Variants in TAF4B observed in about 807,000 individuals in gnomAD.
TAF4B encodes the protein TATA-box binding protein associated factor 4b, also known as transcription initiation factor TFIID subunit 4B.
Under a neutral mutation model 86.4 loss-of-function variants are expected in TAF4B, and 38 were observed. The ratio of observed to expected loss-of-function variants is 0.44; its 90% confidence interval spans 0.34 to 0.58. The LOEUF (loss-of-function observed/expected upper bound fraction) is 0.58, where lower values mean the gene tolerates loss of function less well. TAF4B is among the 20% of genes least tolerant of loss of function. TAF4B has a pLI of 0.02. For missense variants in TAF4B, 988 were observed against 1,027.6 expected (o/e 0.96, Z 0.53); for synonymous variants, 388 against 391.2 (o/e 0.99, Z 0.10).
intron 3 of TAF4B, among the ~76,000 whole-genome samples, chr18:26,272,425 TG>T (rs2056332166): frequency 6.6e-6 from 1 of 152,044 alleles, no homozygotes; most frequent in East Asian, 1.9e-4. Context: ...GGGACCCCTG[TG>T]GTAAGATACA....
chr18:26,256,683 C>T (rs2056089125), intron 1 of TAF4B, among the ~76,000 whole-genome samples: 2 of 152,016 alleles, frequency 1.3e-5, no homozygotes, highest in Non-Finnish European at 2.9e-5. Flanking sequence ...TTAGTTGCAT[C>T]ACATAGATTT....
chr18:26,370,679 T>C (rs2057400464), intron 14 of TAF4B, among the ~76,000 whole-genome samples: 1 of 151,980 alleles, frequency 6.6e-6, no homozygotes, highest in Non-Finnish European at 1.5e-5. Flanking sequence ...CCTGAGGGGA[T>C]GGTGTGGGAA....
At position 26,391,063 on chromosome 18, in the gene TAF4B, G is replaced by T; in HGVS notation, c.*1051G>T. On this transcript the variant is annotated 3_prime_UTR_variant, in exon 15 of 15. Transcript: ENST00000269142. ...TTTAAAAAATCCTAATTGATGATGA[G>T]AAATTTTTAACAATAGGACTTTATG... is the stretch of plus-strand genomic sequence containing the variant. The T allele has an allele frequency of 6.6e-6, 1 of 152,078 alleles. No homozygotes were observed. The highest frequency in any genetic ancestry group is 1.5e-5 in the Non-Finnish European group (1 of 68,004). The allele number at this position is 152,078 out of a possible 1,614,324, so 9.4% of individuals were successfully genotyped here. A position where few individuals can be genotyped will look rare whatever the true frequency, so the allele number is the denominator to read the frequency against.
chr18:26,390,855 A>G lies in TAF4B; in HGVS notation c.*843A>G, dbSNP rs753070756. On this transcript the variant is annotated 3_prime_UTR_variant, in exon 15 of 15. Coordinates refer to ENST00000269142, the MANE Select transcript of TAF4B (RefSeq NM_005640.3). ...AAAACAACTGGTACATGTTTTGTTG[A>G]TGGGCAAAAAAAATCACAGCACAAC... The G allele has an allele frequency of 2.6e-5, 4 of 152,196 alleles. No homozygotes were observed. The highest frequency in any genetic ancestry group is 4.4e-5 in the Non-Finnish European group (3 of 68,030). The allele number at this position is 152,196 out of a possible 1,614,324, so 9.4% of individuals were successfully genotyped here.
At chr18:26,345,345 T>C (rs1055828696) in intron 13 of TAF4B, among the ~76,000 whole-genome samples, 1 of 152,204 alleles carries the variant, frequency 6.6e-6, no homozygotes, top group East Asian at 1.9e-4. Flanking sequence ...TTCGCAAAAG[T>C]AACAGCCCTG....
At chr18:26,379,775 C>T (rs1354230654) in intron 14 of TAF4B, among the ~76,000 whole-genome samples, 1 of 152,060 alleles carries the variant, frequency 6.6e-6, no homozygotes, top group Admixed American at 6.5e-5. Flanking sequence ...GATCAATTTG[C>T]AGAGAATTTA....
chr18:26,304,170 T>TG (rs1275217618), intron 9 of TAF4B, among the ~76,000 whole-genome samples: 1 of 91,350 alleles, frequency 1.1e-5, no homozygotes, highest in Non-Finnish European at 3.0e-5. Context: ...GGTCGACTGT[T>TG]TTTTTTTTTT....
At chr18:26,344,388 A>T (rs2057160023) in intron 13 of TAF4B, among the ~76,000 whole-genome samples, 3 of 151,996 alleles carry the variant, frequency 2.0e-5, no homozygotes, top group South Asian at 4.1e-4. Flanking sequence ...AGGGAAAAAA[A>T]CCTGTGGAGA....
chr18:26,302,483 T>C (rs1462481586), intron 9 of TAF4B, among the ~76,000 whole-genome samples: 4 of 138,234 alleles, frequency 2.9e-5, no homozygotes, highest in African/African-American at 1.1e-4. Flanking sequence ...CAAACAAGCC[T>C]CCAGAGTAGC....
chr18:26,253,258 CT>C (rs1239738373), intron 1 of TAF4B, among the ~76,000 whole-genome samples: 1 of 152,028 alleles, frequency 6.6e-6, no homozygotes, highest in East Asian at 1.9e-4. Context: ...TTCTGTTTCT[CT>C]TTTTTTGGGT....
rs967717019 is a variant in TAF4B, at chr18:26,289,368, A to C, written c.1590+2869A>C. 2.3e-4 allele frequency among the ~76,000 whole-genome samples: 35 copies of C among 152,260 alleles called. 1 individual carries two copies. The highest frequency in any genetic ancestry group is 2.9e-5 in the Non-Finnish European group (2 of 68,044). ...CTGCACTGTATCAAATCTGGGGTTC[A>C]TCTAACTCCATATGGTCTGAAGAAT... On this transcript the variant is annotated intron_variant, in intron 7 of 14. Coordinates refer to ENST00000269142, the MANE Select transcript of TAF4B (RefSeq NM_005640.3).
chr18:26,349,313 A>G (rs2057225455), intron 13 of TAF4B, among the ~76,000 whole-genome samples: 1 of 152,064 alleles, frequency 6.6e-6, no homozygotes, highest in Non-Finnish European at 1.5e-5. Context: ...GTCTCAAAGG[A>G]TTCTTATTGA....
At chr18:26,276,034 AAAAG>A (rs2144568996) in intron 5 of TAF4B, among the ~76,000 whole-genome samples, 1 of 146,844 alleles carries the variant, frequency 6.8e-6, no homozygotes, top group Admixed American at 6.8e-5. Context: ...AAAAAAAAAG[AAAAG>A]AAAAGAAAAA....
intron 7 of TAF4B, among the ~76,000 whole-genome samples, chr18:26,290,112 G>A (rs987556700): frequency 6.6e-6 from 1 of 152,034 alleles, no homozygotes. Flanking sequence ...ATGTGTATTC[G>A]GGGAGGTAAA....
At chr18:26,277,178 G>A (rs2056394123) in intron 5 of TAF4B, among the ~76,000 whole-genome samples, 1 of 152,000 alleles carries the variant, frequency 6.6e-6, no homozygotes, top group African/African-American at 2.4e-5. Context: ...GACCCTCCTG[G>A]GATCAAGCAA....
At chr18:26,237,754 T>G (rs2055771346) in intron 1 of TAF4B, among the ~76,000 whole-genome samples, 1 of 152,178 alleles carries the variant, frequency 6.6e-6, no homozygotes, top group African/African-American at 2.4e-5. Context: ...GTATTGTAAT[T>G]TATACTTCCC....
chr18:26,244,438 G>A (rs933338619), intron 1 of TAF4B, among the ~76,000 whole-genome samples: 27 of 152,222 alleles, frequency 1.8e-4, no homozygotes, highest in Admixed American at 9.2e-4. Context: ...TGCAGTATTA[G>A]GATGGGAGTG....
chr18:26,341,083 A>G (rs1250974168), intron 13 of TAF4B, among the ~76,000 whole-genome samples: 2 of 147,442 alleles, frequency 1.4e-5, no homozygotes, highest in African/African-American at 4.9e-5. Flanking sequence ...CTCTCTTAGT[A>G]GAAAGATGCC....
At chr18:26,367,939 T>C (rs1411508574) in intron 14 of TAF4B, among the ~76,000 whole-genome samples, 1 of 152,206 alleles carries the variant, frequency 6.6e-6, no homozygotes, top group Non-Finnish European at 1.5e-5. Flanking sequence ...ATTTTCTTGC[T>C]AGCAGTAGAT....
Sources: gnomAD v4.1 joint callset for allele counts (sites outside exome capture counted in the v4.1 genomes callset) on GRCh38, gnomAD v4.1.1 for gene constraint, MANE v1.5 for transcripts, NCBI Gene and HGNC (gene_info 2026-07-23, HGNC 2026-07-21) for gene names.